The following RAB8B variants were observed in gnomAD, a reference collection of about 807,000 sequenced individuals.
The protein encoded by RAB8B is ras-related protein Rab-8B.
Under a neutral mutation model 32.0 loss-of-function variants are expected in RAB8B, and 11 were observed. The ratio of observed to expected loss-of-function variants is 0.34; its 90% CI spans 0.22 to 0.57. The LOEUF (loss-of-function observed/expected upper bound fraction) is 0.57. Ranked by LOEUF, RAB8B falls within the 20% of genes least tolerant of loss-of-function variation. The probability of loss-of-function intolerance (pLI) is 0.86; values close to 1 mark genes in which losing one functional copy is unlikely to be tolerated. For synonymous variants in RAB8B, 103 were observed against 89.6 expected, an observed-to-expected ratio of 1.15 and a Z score of -0.85; for missense variants, 190 against 258.5, an observed-to-expected ratio of 0.73 and a Z score of 1.82.
At chr15:63,209,236 G>A (rs1004368318) in intron 1 of RAB8B, among the ~76,000 whole-genome samples, 2 of 151,276 alleles carry the variant, frequency 1.3e-5, no homozygotes, top group African/African-American at 4.9e-5. Flanking sequence ...ACCATACTTT[G>A]TACCTATTTG....
At chr15:63,193,128 G>A (rs1393186187) in intron 1 of RAB8B, among the ~76,000 whole-genome samples, 2 of 152,170 alleles carry the variant, frequency 1.3e-5, no homozygotes, top group Non-Finnish European at 2.9e-5. Context: ...TTGGGAGGCT[G>A]AGGCAGGAGG....
At chr15:63,191,383 T>G (rs552251560) in intron 1 of RAB8B, among the ~76,000 whole-genome samples, 41 of 152,366 alleles carry the variant, frequency 2.7e-4, no homozygotes, top group African/African-American at 9.6e-4. Flanking sequence ...TTCTTTCATA[T>G]AGATTGAATG....
intron 3 of RAB8B, among the ~76,000 whole-genome samples, chr15:63,252,932 G>A (rs2038129041): frequency 6.6e-6 from 1 of 152,162 alleles, no homozygotes; most frequent in Non-Finnish European, 1.5e-5. Context: ...ATTTTTAATA[G>A]AGATGGGGTT....
At chr15:63,214,782 T>G (rs2037778230) in intron 1 of RAB8B, among the ~76,000 whole-genome samples, 1 of 152,172 alleles carries the variant, frequency 6.6e-6, no homozygotes, top group Non-Finnish European at 1.5e-5. Context: ...TTCTGAGAAT[T>G]CATGTTTCTT....
intron 1 of RAB8B, among the ~76,000 whole-genome samples, chr15:63,194,239 C>T (rs945518905): frequency 5.3e-5 from 8 of 152,134 alleles, no homozygotes; most frequent in African/African-American, 1.7e-4. Flanking sequence ...CTCAAAATTA[C>T]ACAGCTGATT....
At position 63,255,477 on chromosome 15, in the gene RAB8B, A is replaced by G; in HGVS notation, c.247-30A>G. 7 of 1,434,354 alleles carry G rather than the reference A, an allele frequency of 4.9e-6. No individual in the cohort carries two copies. The East Asian group carries it at 7.1e-5, about 15-fold the overall frequency. The allele number at this position is 1,434,354 out of a possible 1,614,324, so 88.9% of individuals were successfully genotyped here. ...TACTATAACTTTAAATATATAAAGT[A>G]CTAAATAAAGATATTTTTCCCCCTT... On this transcript the variant is annotated intron_variant, in intron 3 of 7. Coordinates refer to ENST00000321437, the MANE Select transcript of RAB8B (RefSeq NM_016530.3).
At chr15:63,230,864 T>A (rs1046978630) in intron 1 of RAB8B, among the ~76,000 whole-genome samples, 1 of 152,074 alleles carries the variant, frequency 6.6e-6, no homozygotes, top group Non-Finnish European at 1.5e-5. Context: ...CCCAGCTAAT[T>A]TTTAATTTAA....
At chr15:63,212,834 G>T (rs528020379) in intron 1 of RAB8B, among the ~76,000 whole-genome samples, 1 of 152,182 alleles carries the variant, frequency 6.6e-6, no homozygotes, top group African/African-American at 2.4e-5. Flanking sequence ...ACAGATGTCC[G>T]TATGTGATTA....
At chr15:63,191,861 T>G (rs904336668) in intron 1 of RAB8B, among the ~76,000 whole-genome samples, 2 of 152,262 alleles carry the variant, frequency 1.3e-5, no homozygotes, top group African/African-American at 4.8e-5. Flanking sequence ...GGTATCTGGT[T>G]CCTTTTAAAA....
chr15:63,252,178 A>G (rs961255604), intron 3 of RAB8B, among the ~76,000 whole-genome samples: 1 of 151,962 alleles, frequency 6.6e-6, no homozygotes, highest in Non-Finnish European at 1.5e-5. Context: ...TAACTGATTC[A>G]TAATATCAGT....
rs571456358 is a variant in RAB8B at position 63,202,256 on chromosome 15, C to T, written c.124+12508C>T. ...TCGCGCCACTGCACTCCAGCCAGGG[C>T]GACAGAGCGAGACTCCGTCTCAAAA... On this transcript the variant is annotated intron_variant, in intron 1 of 7. Coordinates refer to ENST00000321437, the MANE Select transcript of RAB8B (RefSeq NM_016530.3). Among the ~76,000 whole-genome samples the T allele has an allele frequency of 4.9e-3, 726 of 149,566 alleles. 6 individuals are homozygous for T. The highest frequency in any genetic ancestry group is 0.017 in the African/African-American group (704 of 40,554).
At chr15:63,217,250 A>G (rs994201735) in intron 1 of RAB8B, among the ~76,000 whole-genome samples, 2 of 152,336 alleles carry the variant, frequency 1.3e-5, no homozygotes, top group Admixed American at 1.3e-4. Flanking sequence ...AGCGTAATGG[A>G]GTTAGGATTG....
chr15:63,216,339 C>T (rs2037792185), intron 1 of RAB8B, among the ~76,000 whole-genome samples: 1 of 151,050 alleles, frequency 6.6e-6, no homozygotes, highest in South Asian at 2.1e-4. Context: ...TGCAATTCTC[C>T]TGCCTCAACC....
At chr15:63,206,525 C>T (rs778803485) in intron 1 of RAB8B, among the ~76,000 whole-genome samples, 14 of 152,102 alleles carry the variant, frequency 9.2e-5, no homozygotes, top group African/African-American at 1.4e-4. Flanking sequence ...TTGTTTCTTT[C>T]GCCCTTCTCT....
rs1289517730 is a variant in RAB8B at position 63,248,233 on chromosome 15, G to T, written c.186-1412G>T. Among the ~76,000 whole-genome samples, 1 of 152,222 alleles carries T rather than the reference G, an allele frequency of 6.6e-6. No individual in the cohort carries two copies. The highest frequency in any genetic ancestry group is 2.4e-5 in the African/African-American group (1 of 41,452). On this transcript the variant is annotated intron_variant, in intron 2 of 7. Coordinates refer to ENST00000321437, the MANE Select transcript of RAB8B (RefSeq NM_016530.3). The surrounding 1 kb of genome is among the most constrained non-coding windows in gnomAD (Gnocchi z 4.4). ...TGTCTCCTTCAAGAGTATGAGCTGGGCCGGGTGCAGTGGCTCACGCCTGTA... is the reference window on the plus strand; with the variant it reads ...TGTCTCCTTCAAGAGTATGAGCTGGTCCGGGTGCAGTGGCTCACGCCTGTA...
intron 1 of RAB8B, among the ~76,000 whole-genome samples, chr15:63,232,031 C>T (rs2037940661): frequency 6.6e-6 from 1 of 152,200 alleles, no homozygotes; most frequent in South Asian, 2.1e-4. Context: ...GCTGGATAAT[C>T]TCTGCTGGCT....
chr15:63,245,766 C>CTTAT (rs1244590740), intron 2 of RAB8B, among the ~76,000 whole-genome samples: 1 of 152,216 alleles, frequency 6.6e-6, no homozygotes, highest in Non-Finnish European at 1.5e-5. Flanking sequence ...TGTGCATATA[C>CTTAT]ATAATGAGAT....
intron 1 of RAB8B, among the ~76,000 whole-genome samples, chr15:63,198,869 A>G (rs1271908750): frequency 6.6e-6 from 1 of 152,258 alleles, no homozygotes; most frequent in Non-Finnish European, 1.5e-5. Flanking sequence ...CTCCTTATGC[A>G]CACATACATA....
At chr15:63,232,026 A>G (rs2037940632) in intron 1 of RAB8B, among the ~76,000 whole-genome samples, 1 of 152,214 alleles carries the variant, frequency 6.6e-6, no homozygotes, top group African/African-American at 2.4e-5. Flanking sequence ...TGAATGCTGG[A>G]TAATCTCTGC....
Sources: gnomAD v4.1 joint callset for allele counts (sites outside exome capture counted in the v4.1 genomes callset) on GRCh38, gnomAD v4.1.1 for gene constraint, Gnocchi (gnomAD v3.1) non-coding constraint, MANE v1.5 for transcripts, NCBI Gene and HGNC (gene_info 2026-07-23, HGNC 2026-07-21) for gene names.